Variants in LRRC4C observed in about 807,000 individuals in gnomAD.
LRRC4C encodes leucine-rich repeat-containing protein 4C.
A neutral mutation model predicts 33.6 loss-of-function variants in LRRC4C; 5 were observed. The observed-to-expected ratio is 0.15, with a 90% CI of 0.08 to 0.31. The LOEUF (loss-of-function observed/expected upper bound fraction) is 0.31, where lower values mean the gene tolerates loss of function less well. Ranked by LOEUF, LRRC4C falls within the 10% of genes least tolerant of loss-of-function variation. The pLI is 1.00. For synonymous variants in LRRC4C, 329 were observed against 302.0 expected, an observed-to-expected ratio of 1.09 and a Z score of -0.93; for missense variants, 560 against 796.7, an observed-to-expected ratio of 0.70 and a Z score of 3.58.
At chr11:41,393,139 G>A (rs1338089902) in intron 1 of LRRC4C, among the ~76,000 whole-genome samples, 2 of 151,738 alleles carry the variant, frequency 1.3e-5, no homozygotes, top group African/African-American at 4.8e-5. Context: ...TTATAAAGAG[G>A]AACTGTAGAA....
At chr11:40,704,409 C>T (rs1338218875) in intron 2 of LRRC4C, among the ~76,000 whole-genome samples, 1 of 152,100 alleles carries the variant, frequency 6.6e-6, no homozygotes, top group Non-Finnish European at 1.5e-5. Flanking sequence ...CAGCTCACAA[C>T]CTTTCACTCA....
chr11:40,953,260 A>G (rs1958798601), intron 1 of LRRC4C, among the ~76,000 whole-genome samples: 1 of 151,948 alleles, frequency 6.6e-6, no homozygotes, highest in African/African-American at 2.4e-5. Flanking sequence ...TTCGATCTGC[A>G]GATTCCAGAG....
At chr11:41,082,299 G>A (rs988633753) in intron 1 of LRRC4C, among the ~76,000 whole-genome samples, 10 of 152,092 alleles carry the variant, frequency 6.6e-5, no homozygotes, top group South Asian at 2.1e-4. Flanking sequence ...TTGTAAATAC[G>A]CAGTTGCAAA....
chr11:40,675,585 CTTATA>C (rs1316856706), intron 2 of LRRC4C, among the ~76,000 whole-genome samples: 1 of 152,112 alleles, frequency 6.6e-6, no homozygotes, highest in Non-Finnish European at 1.5e-5. Flanking sequence ...TATAATTTAT[CTTATA>C]TGACTCCCCA....
rs572661866 is a variant in LRRC4C, at chr11:40,397,107, A to G, written c.-269-77386T>C. Among the ~76,000 whole-genome samples, 11 of 152,222 alleles carry G rather than the reference A, an allele frequency of 7.2e-5. No individual in the cohort carries two copies. In the East Asian group the frequency reaches 1.9e-3, roughly 27 times the overall value. On this transcript the variant is annotated intron_variant, in intron 3 of 6. Coordinates refer to ENST00000528697, the MANE Select transcript of LRRC4C (RefSeq NM_001258419.2). ...TTAGATTAACTTAACCCCATGTACC[A>G]TAAGACTCTGATATCCTGTGATTTG...
intron 1 of LRRC4C, among the ~76,000 whole-genome samples, chr11:41,348,917 C>T (rs188299432): frequency 3.2e-4 from 49 of 152,264 alleles, no homozygotes; most frequent in East Asian, 1.4e-3. Context: ...CTCCAGTCTG[C>T]GTGGAGCCCA....
At chr11:40,865,638 T>C (rs1954326864) in intron 2 of LRRC4C, among the ~76,000 whole-genome samples, 1 of 151,666 alleles carries the variant, frequency 6.6e-6, no homozygotes, top group Non-Finnish European at 1.5e-5. Flanking sequence ...ACAAAAGCCA[T>C]TCCCAAAATC....
chr11:41,177,351 G>A (rs1213175402), intron 1 of LRRC4C, among the ~76,000 whole-genome samples: 1 of 152,090 alleles, frequency 6.6e-6, no homozygotes, highest in East Asian at 1.9e-4. Flanking sequence ...TTTTTTGGAA[G>A]GAAAATGGAG....
chr11:41,328,742 T>C (rs1438064787), intron 1 of LRRC4C, among the ~76,000 whole-genome samples: 1 of 152,232 alleles, frequency 6.6e-6, no homozygotes, highest in East Asian at 1.9e-4. Context: ...ATAAAGGACA[T>C]GTCTCTCTCA....
chr11:40,959,195 G>C (rs564152804), intron 1 of LRRC4C, among the ~76,000 whole-genome samples: 1 of 151,698 alleles, frequency 6.6e-6, no homozygotes, highest in South Asian at 2.1e-4. Flanking sequence ...CACCAGATTA[G>C]GTGAGCTCAT....
At chr11:40,976,908 G>T (rs1398347820) in intron 1 of LRRC4C, among the ~76,000 whole-genome samples, 1 of 151,906 alleles carries the variant, frequency 6.6e-6, no homozygotes, top group African/African-American at 2.4e-5. Context: ...CATTAATTTT[G>T]CACTGTATTT....
At chr11:41,096,210 A>T (rs971554638) in intron 1 of LRRC4C, among the ~76,000 whole-genome samples, 5 of 152,168 alleles carry the variant, frequency 3.3e-5, no homozygotes, top group Non-Finnish European at 5.9e-5. Context: ...ACATTTTTTC[A>T]TAAATTAGAT....
At chr11:41,021,671 G>T (rs568547725) in intron 1 of LRRC4C, among the ~76,000 whole-genome samples, 8 of 152,014 alleles carry the variant, frequency 5.3e-5, no homozygotes, top group Non-Finnish European at 1.2e-4. Context: ...GATAACGAAA[G>T]AAAAATCTCC....
chr11:40,915,406 C>T (rs532516686), intron 2 of LRRC4C, among the ~76,000 whole-genome samples: 88 of 152,146 alleles, frequency 5.8e-4, no homozygotes, highest in African/African-American at 1.9e-3. Flanking sequence ...TCTATCACTA[C>T]CTGATCTTTG....
chr11:41,379,373 A>T (rs1490642318), intron 1 of LRRC4C, among the ~76,000 whole-genome samples: 1 of 152,122 alleles, frequency 6.6e-6, no homozygotes, highest in Non-Finnish European at 1.5e-5. Flanking sequence ...ACAATCACAG[A>T]GTGAGTGGTA....
chr11:40,121,271 AG>A (rs1855806660), intron 6 of LRRC4C, among the ~76,000 whole-genome samples: 1 of 152,170 alleles, frequency 6.6e-6, no homozygotes, highest in Non-Finnish European at 1.5e-5. Context: ...GCTTACTTCA[AG>A]GTCTTTGTGC....
At chr11:40,659,394 C>A (rs1164526453) in intron 2 of LRRC4C, among the ~76,000 whole-genome samples, 1 of 152,092 alleles carries the variant, frequency 6.6e-6, no homozygotes, top group African/African-American at 2.4e-5. Flanking sequence ...CCTGGTGAAA[C>A]CCTACCTTCA....
chr11:41,075,018 T>TATTTTTTTA (rs1939012156), intron 1 of LRRC4C, among the ~76,000 whole-genome samples: 1 of 17,880 alleles, frequency 5.6e-5, no homozygotes, highest in Non-Finnish European at 1.2e-4. Flanking sequence ...AATTTTCTTT[T>TATTTTTTTA]TTTTTTTTTT....
intron 1 of LRRC4C, among the ~76,000 whole-genome samples, chr11:41,440,694 G>GA (rs1280461957): frequency 2.8e-4 from 43 of 152,088 alleles, no homozygotes; most frequent in Admixed American, 2.8e-3. Flanking sequence ...GGTGGGAGGT[G>GA]ACTGGATCAT....
Sources: gnomAD v4.1 joint callset for allele counts (sites outside exome capture counted in the v4.1 genomes callset) on GRCh38, gnomAD v4.1.1 for gene constraint, MANE v1.5 for transcripts, NCBI Gene and HGNC (gene_info 2026-07-23, HGNC 2026-07-21) for gene names.